The following DLG2 variants were observed in gnomAD, a reference collection of about 807,000 sequenced individuals.
The protein encoded by DLG2 is disks large homolog 2.
In DLG2, 45 loss-of-function variants were observed where a neutral mutation model predicts 132.5. That is an observed-to-expected ratio of 0.34 (90% CI 0.27 to 0.44). The LOEUF (loss-of-function observed/expected upper bound fraction) is 0.44, where lower values mean the gene tolerates loss of function less well. DLG2 is among the 20% of genes least tolerant of loss of function. The pLI, the probability that DLG2 is intolerant of heterozygous loss-of-function variation, is 1.00. For synonymous variants in DLG2, 424 were observed against 419.6 expected (o/e 1.01, Z -0.13); for missense variants, 1,045 against 1,196.9 (o/e 0.87, Z 1.87).
intron 6 of DLG2, among the ~76,000 whole-genome samples, chr11:84,971,715 TAC>T: frequency 1.3e-5 from 2 of 152,280 alleles, no homozygotes; most frequent in South Asian, 4.1e-4. Flanking sequence ...TCAAAAGCCC[TAC>T]AGTCATGTTA....
At chr11:84,273,995 G>T (rs1470027069) in intron 7 of DLG2, among the ~76,000 whole-genome samples, 3 of 152,060 alleles carry the variant, frequency 2.0e-5, no homozygotes, top group African/African-American at 7.2e-5. Context: ...CCTTATTCTA[G>T]ATAAAATTTA....
At chr11:84,677,816 G>C (rs2099717641) in intron 6 of DLG2, among the ~76,000 whole-genome samples, 2 of 152,030 alleles carry the variant, frequency 1.3e-5, no homozygotes, top group African/African-American at 4.8e-5. Flanking sequence ...TTTAGTGCAG[G>C]AGTTTTCCAT....
chr11:84,520,694 A>C (rs2099295185), intron 7 of DLG2, among the ~76,000 whole-genome samples: 1 of 152,186 alleles, frequency 6.6e-6, no homozygotes, highest in South Asian at 2.1e-4. Flanking sequence ...AAGAGGGTGG[A>C]ATGGAAAATA....
chr11:84,686,664 C>T (rs1016138416), intron 6 of DLG2: 1 of 142,078 alleles, frequency 7.0e-6, no homozygotes, highest in African/African-American at 2.6e-5. Flanking sequence ...TGCTATACAC[C>T]ATGTAACATA....
chr11:84,414,113 A>G (rs895067258), intron 7 of DLG2, among the ~76,000 whole-genome samples: 17 of 152,206 alleles, frequency 1.1e-4, no homozygotes, highest in African/African-American at 3.1e-4. Flanking sequence ...ATGCTATTGT[A>G]TACATTCTAG....
chr11:85,555,670 A>C (rs1365214824), intron 3 of DLG2, among the ~76,000 whole-genome samples: 2 of 151,888 alleles, frequency 1.3e-5, no homozygotes, highest in Non-Finnish European at 2.9e-5. Flanking sequence ...TGGAGAAGAG[A>C]CTAAAAGTCA....
At chr11:83,784,987 C>T (rs1008421955) in intron 18 of DLG2, among the ~76,000 whole-genome samples, 3 of 152,122 alleles carry the variant, frequency 2.0e-5, no homozygotes, top group Non-Finnish European at 4.4e-5. Context: ...AGTTCTTACT[C>T]TATATGAAGT....
In DLG2 at chr11:83,931,389, C is replaced by T. The variant is rs998550535; in HGVS notation, c.1341-906G>A. On this transcript the variant is annotated intron_variant, in intron 14 of 27. Coordinates refer to ENST00000376104, the MANE Select transcript of DLG2 (RefSeq NM_001142699.3). ...AAACATTCTCATGATAATGTCATTT[C>T]GGTAACATTGTTGTTTCTGCCTGGG... Among the ~76,000 whole-genome samples, 3 of 152,126 alleles carry T rather than the reference C, an allele frequency of 2.0e-5. No homozygotes were observed. In the East Asian group the frequency reaches 5.8e-4, roughly 29 times the overall value.
chr11:83,520,457 A>G (rs1445439245), intron 21 of DLG2, among the ~76,000 whole-genome samples: 1 of 152,208 alleles, frequency 6.6e-6, no homozygotes, highest in Non-Finnish European at 1.5e-5. Context: ...CAGAAAGGGA[A>G]AAATCATAAT....
chr11:83,561,853 A>G (rs539025333), intron 19 of DLG2, among the ~76,000 whole-genome samples: 40 of 150,950 alleles, frequency 2.6e-4, no homozygotes, highest in African/African-American at 9.2e-4. Flanking sequence ...ATAAACAATA[A>G]TCCTGCAAAG....
chr11:84,325,076 A>C (rs2098423920), intron 7 of DLG2, among the ~76,000 whole-genome samples: 1 of 152,218 alleles, frequency 6.6e-6, no homozygotes, highest in South Asian at 2.1e-4. Flanking sequence ...GTGAGAGTGA[A>C]CATCCTTGTT....
At chr11:84,793,755 A>T (rs2074196564) in intron 6 of DLG2, among the ~76,000 whole-genome samples, 1 of 152,124 alleles carries the variant, frequency 6.6e-6, no homozygotes. Context: ...TTAGCATGGA[A>T]TATCTTTTTC....
At chr11:84,490,881 G>T (rs1270740590) in intron 7 of DLG2, among the ~76,000 whole-genome samples, 1 of 142,038 alleles carries the variant, frequency 7.0e-6, no homozygotes, top group Non-Finnish European at 1.5e-5. Context: ...AGATCTGAAT[G>T]GTTGCGTGTG....
At chr11:85,054,958 G>C (rs1194343333) in intron 6 of DLG2, among the ~76,000 whole-genome samples, 1 of 152,016 alleles carries the variant, frequency 6.6e-6, no homozygotes, top group Non-Finnish European at 1.5e-5. Flanking sequence ...TACGAACGCA[G>C]CATCATGCAA....
chr11:84,283,182 C>A (rs2097870779), intron 7 of DLG2, among the ~76,000 whole-genome samples: 1 of 152,180 alleles, frequency 6.6e-6, no homozygotes, highest in African/African-American at 2.4e-5. Context: ...CAATGCATAT[C>A]TATCATTTTA....
At position 83,508,237 on chromosome 11, in the gene DLG2, A is replaced by G. The variant is rs141958822; in HGVS notation, c.2194-24009T>C. ...AAATTGTGTCTTTTTCCCATTTAGAATATACATCTTTTTTTTTTTTTTTGA... is the reference window on the plus strand; with the variant it reads ...AAATTGTGTCTTTTTCCCATTTAGAGTATACATCTTTTTTTTTTTTTTTGA... On this transcript the variant is annotated intron_variant, in intron 21 of 27. Transcript: ENST00000376104. Among the ~76,000 whole-genome samples the G allele has an allele frequency of 6.5e-3, 984 of 150,864 alleles. 17 individuals carry two copies. Among genetic ancestry groups the G allele is most frequent in the African/African-American group, 0.023 (951 of 40,858 alleles).
chr11:84,185,640 G>C (rs2096261576), intron 8 of DLG2, among the ~76,000 whole-genome samples: 2 of 152,160 alleles, frequency 1.3e-5, no homozygotes, highest in Non-Finnish European at 2.9e-5. Flanking sequence ...GGGCATCCCT[G>C]TCTTGTGCCA....
chr11:85,474,297 G>C (rs1336364035), intron 3 of DLG2, among the ~76,000 whole-genome samples: 1 of 151,860 alleles, frequency 6.6e-6, no homozygotes, highest in Non-Finnish European at 1.5e-5. Flanking sequence ...CCTCTCAATA[G>C]ATAAGCAAAA....
intron 11 of DLG2, among the ~76,000 whole-genome samples, chr11:84,039,391 C>A (rs1212225513): frequency 1.6e-5 from 2 of 128,054 alleles, no homozygotes; most frequent in Non-Finnish European, 3.2e-5. Flanking sequence ...CACAACAGTC[C>A]CCAGAGTGTG....
Sources: allele counts gnomAD v4.1 joint callset (sites outside exome capture counted in the v4.1 genomes callset), GRCh38; gene constraint gnomAD v4.1.1; transcripts MANE v1.5; gene names NCBI Gene and HGNC (gene_info 2026-07-23, HGNC 2026-07-21).